Variants in ALPK3 observed in about 807,000 individuals in gnomAD.
ALPK3 encodes alpha kinase 3, also known as alpha-protein kinase 3.
ALPK3 carries 102 observed loss-of-function variants against 140.0 expected under a neutral mutation model. That is an observed-to-expected ratio of 0.73 (90% CI 0.62 to 0.86). The LOEUF is 0.86. ALPK3 is among the 40% of genes least tolerant of loss of function. ALPK3 has a pLI of 0.00. For missense variants in ALPK3, 2,254 were observed against 2,208.2 expected (o/e 1.02, Z -0.42); for synonymous variants, 938 against 898.5 (o/e 1.04, Z -0.79).
chr15:84,863,379 G>A, intron 10 of ALPK3, 173 bp from the exon 11 acceptor site: 1 of 601,716 alleles, frequency 1.7e-6, no homozygotes, highest in Non-Finnish European at 2.9e-6. Context: ...TTATACAAAA[G>A]AGGAAAATGA....
rs1321185910 is a variant in ALPK3 at position 84,872,329 on chromosome 15, C to T, written c.*3873C>T. ...ATCATATTTTCTTGTCAGGACTTACCGCAAGCTATGTATGGCTCCGCGGTA... is the reference window on the plus strand; with the variant it reads ...ATCATATTTTCTTGTCAGGACTTACTGCAAGCTATGTATGGCTCCGCGGTA... On this transcript the variant is annotated 3_prime_UTR_variant, in exon 14 of 14. Coordinates refer to ENST00000258888, the MANE Select transcript of ALPK3 (RefSeq NM_020778.5). 3.3e-5 allele frequency: 5 copies of T among 152,316 alleles called. No homozygotes were observed. Among genetic ancestry groups the T allele is most frequent in the South Asian group, 2.1e-4 (1 of 4,820 alleles). The allele number at this position is 152,316 out of a possible 1,614,324, so 9.4% of individuals were successfully genotyped here.
rs1963877824 is a variant in ALPK3 at position 84,857,381 on chromosome 15, GGGGCCGTGTAGCACCCCGACTTCTCA to G, written c.2645_2670del (p.Gly882AlafsTer11). On this transcript the variant is annotated frameshift_variant, in exon 6 of 14. Coordinates refer to ENST00000258888, the MANE Select transcript of ALPK3 (RefSeq NM_020778.5). LOFTEE classifies it high-confidence loss of function. ...CTGGGCTGACAGCTAGCCCAAAGGC[GGGGCCGTGTAGCACCCCGACTTCTCA>G]GCACGGGAGCACAGCCACCTTCCTG... The G allele has an allele frequency of 1.2e-6, 2 of 1,614,092 alleles. No individual in the cohort carries two copies. The highest frequency in any genetic ancestry group is 1.7e-6 in the Non-Finnish European group (2 of 1,180,032).
chr15:84,858,976 C>T (rs1963904155), intron 6 of ALPK3, among the ~76,000 whole-genome samples: 1 of 152,198 alleles, frequency 6.6e-6, no homozygotes, highest in African/African-American at 2.4e-5. Flanking sequence ...CCTGTCTCAA[C>T]TGCTGTCTGC....
intron 1 of ALPK3, among the ~76,000 whole-genome samples, chr15:84,820,279 G>T (rs1215080050): frequency 6.6e-6 from 1 of 152,102 alleles, no homozygotes; most frequent in Non-Finnish European, 1.5e-5. Flanking sequence ...ACTACAGACA[G>T]CTTTGAAACA....
At chr15:84,859,981 G>A (rs528688724) in intron 8 of ALPK3, 56 bp from the exon 9 acceptor site, 2 of 1,613,880 alleles carry the variant, frequency 1.2e-6, no homozygotes, top group East Asian at 2.2e-5. Context: ...TTGAGAGAAG[G>A]CACTCTCTTG....
chr15:84,859,850 C>A lies in ALPK3; in HGVS notation c.4040C>A (p.Thr1347Asn). The A allele has an allele frequency of 6.2e-7, 1 of 1,614,116 alleles. No individual in the cohort carries two copies. Among genetic ancestry groups the A allele is most frequent in the South Asian group, 1.1e-5 (1 of 91,084 alleles). ...SPVDCGVYRC[T>N]IHNEHGSAST... ...GTAGACTGCGGTGTGTATCGGTGCA[C>A]CATCCACAATGAGCACGGCTCGGCC... The change falls in exon 8 of 14, where the codon ACC becomes AAC. Residue 1347 changes from threonine to asparagine, a missense_variant. Physicochemically the swap from Thr to Asn is moderately conservative, Grantham distance 65. Transcript: ENST00000258888.
chr15:84,841,451 A>G (rs1181590123), intron 5 of ALPK3, among the ~76,000 whole-genome samples: 2 of 152,360 alleles, frequency 1.3e-5, no homozygotes, highest in East Asian at 3.9e-4. Flanking sequence ...CTGCCTTAAC[A>G]TGGCGTGATC....
chr15:84,862,483 G>A (rs779694665), intron 9 of ALPK3, 152 bp from the exon 10 acceptor site: 172 of 874,158 alleles, frequency 2.0e-4, no homozygotes, highest in Non-Finnish European at 2.6e-4. Context: ...GTCTGGTGGG[G>A]ACTTAATGTG....
In ALPK3 at chr15:84,861,017, A is replaced by C. The variant is rs573252414; in HGVS notation, c.4129+945A>C. Reference sequence around the variant, plus strand: ...TTAGTGACTTTTGTTTAGTAATCAAATAAAATTTAATCAATATCAAATAAA... The same window carrying C: ...TTAGTGACTTTTGTTTAGTAATCAACTAAAATTTAATCAATATCAAATAAA... On this transcript the variant is annotated intron_variant, in intron 9 of 13. Transcript: ENST00000258888. 4.3e-4 allele frequency among the ~76,000 whole-genome samples: 65 copies of C among 152,382 alleles called. 1 individual carries two copies. In the South Asian group the frequency reaches 0.013, roughly 31 times the overall value.
rs1229697421 is a variant in ALPK3 at position 84,817,561 on chromosome 15, C to T, written c.109C>T (p.Arg37Trp). The change falls in exon 1 of 14, where the codon CGG (arginine) becomes TGG (tryptophan). Residue 37 changes from arginine (R) to tryptophan (W), a missense_variant. Around this residue, in one of 3 missense-constraint regions of ALPK3, gnomAD observed 2,088 missense variants for 2,022.9 expected, o/e 1.03. Coordinates refer to ENST00000258888, the MANE Select transcript of ALPK3 (RefSeq NM_020778.5). ...GPVWIPSPAS[R>W]SYLLSVRPET... ...CGTGTGGATCCCCAGCCCAGCCAGC[C>T]GGAGCTACCTGCTCAGCGTGCGGCC... 17 of 1,502,464 alleles carry T rather than the reference C, an allele frequency of 1.1e-5. No homozygotes were observed. Among genetic ancestry groups the T allele is most frequent in the Admixed American group, 8.3e-5 (4 of 48,348 alleles). 93.1% of individuals were successfully genotyped at this position (1,502,464 alleles called of 1,614,324 possible).
rs1413527003 is a variant in ALPK3, at chr15:84,868,426, G to A, written c.5088G>A (p.Glu1696=). ...TQLLGQPPTQ[E]EGSKAQGMR The stretch of plus-strand genomic sequence containing the variant: ...TGTTGGGACAGCCTCCCACCCAAGA[G>A]GAGGGCTCCAAGGCCCAGGGCATGC... Residue 1696 remains glutamate (E), a synonymous_variant, in exon 14 of 14, where the codon GAG becomes GAA. Transcript: ENST00000258888. 2 of 1,610,896 alleles carry A rather than the reference G, an allele frequency of 1.2e-6. No homozygotes were observed. The highest frequency in any genetic ancestry group is 1.7e-6 in the Non-Finnish European group (2 of 1,179,972).
intron 4 of ALPK3, 84 bp from the exon 5 acceptor site, chr15:84,839,618 G>C (rs1963632505): frequency 6.9e-7 from 1 of 1,455,380 alleles, no homozygotes; most frequent in Admixed American, 2.2e-5. Flanking sequence ...AAGTGTGCCC[G>C]GCTCTGAACG....
At chr15:84,842,104 G>A (rs1963673223) in intron 5 of ALPK3, among the ~76,000 whole-genome samples, 1 of 152,234 alleles carries the variant, frequency 6.6e-6, no homozygotes, top group African/African-American at 2.4e-5. Flanking sequence ...TGCGATCTCA[G>A]CTCACTGCAG....
At chr15:84,832,110 G>A (rs747878425) in intron 3 of ALPK3, among the ~76,000 whole-genome samples, 4 of 152,132 alleles carry the variant, frequency 2.6e-5, no homozygotes, top group Non-Finnish European at 5.9e-5. Flanking sequence ...GAGATAGAAT[G>A]GTTGAAGGGT....
At chr15:84,850,000 A>G (rs79121191) in intron 5 of ALPK3, among the ~76,000 whole-genome samples, 28,699 of 137,168 alleles carry the variant, frequency 0.21, 3,248 homozygotes, top group Middle Eastern at 0.36. Flanking sequence ...CAAGACTTAG[A>G]AAAAAAAAAA....
At chr15:84,842,096 C>T (rs569284393) in intron 5 of ALPK3, among the ~76,000 whole-genome samples, 74 of 152,302 alleles carry the variant, frequency 4.9e-4, no homozygotes, top group African/African-American at 1.7e-3. Context: ...TACAGTGGTG[C>T]GATCTCAGCT....
Position 84,840,394 on chromosome 15 carries a change from G to C in ALPK3, c.1115G>C (p.Gly372Ala), listed in dbSNP as rs1963647364. 1 of 1,613,904 alleles carries C rather than the reference G, an allele frequency of 6.2e-7. No homozygotes were observed. The highest frequency in any genetic ancestry group is 1.3e-5 in the African/African-American group (1 of 75,058). ...GAGCAGGTTCAGACCCAGCCCAGAG[G>C]CAGGGCTGCACGGGGGCCTGGGTCC... The part of the protein sequence containing the change: ...GVEQVQTQPR[G>A]RAARGPGSSG... Residue 372 changes from glycine to alanine, a missense_variant, in exon 5 of 14, where the codon GGC becomes GCC. Transcript: ENST00000258888.
At chr15:84,842,315 T>C (rs1214361029) in intron 5 of ALPK3, among the ~76,000 whole-genome samples, 1 of 152,272 alleles carries the variant, frequency 6.6e-6, no homozygotes, top group Non-Finnish European at 1.5e-5. Context: ...ATTACAGGCG[T>C]GAGCCGCCGT....
At chr15:84,819,132 T>C (rs948091105) in intron 1 of ALPK3, among the ~76,000 whole-genome samples, 6 of 152,190 alleles carry the variant, frequency 3.9e-5, no homozygotes, top group African/African-American at 1.4e-4. Flanking sequence ...AGAATGGACA[T>C]AGTGCTGCTG....
Sources: allele counts gnomAD v4.1 joint callset (sites outside exome capture counted in the v4.1 genomes callset), GRCh38; gene constraint gnomAD v4.1.1; regional missense constraint gnomAD v4.1.1; transcripts MANE v1.5; gene names NCBI Gene and HGNC (gene_info 2026-07-23, HGNC 2026-07-21).